SUPT5H: variants seen among roughly 807,000 people sequenced by gnomAD.
SUPT5H encodes the protein SPT5 homolog, DSIF elongation factor subunit, also known as transcription elongation factor SPT5.
SUPT5H carries 24 observed loss-of-function variants against 142.5 expected under a neutral mutation model. The ratio of observed to expected loss-of-function variants is 0.17; its 90% CI spans 0.12 to 0.24. The LOEUF is 0.24. Among genes scored for constraint, SUPT5H ranks in the 10% least tolerant of loss-of-function variants. The probability of loss-of-function intolerance (pLI) is 1.00; values close to 1 mark genes in which losing one functional copy is unlikely to be tolerated. For missense variants in SUPT5H, 893 were observed against 1,471.8 expected (o/e 0.61, Z 6.43); for synonymous variants, 546 against 553.0 (o/e 0.99, Z 0.18).
rs1483733090 is a variant in SUPT5H, at chr19:39,458,509, G to T, written c.319+204G>T. The T allele has an allele frequency of 1.1e-5, 11 of 989,030 alleles. No individual in the cohort carries two copies. The highest frequency in any genetic ancestry group is 3.0e-6 in the Non-Finnish European group (2 of 667,704). 61.3% of individuals were successfully genotyped at this position (989,030 alleles called of 1,614,324 possible). On this transcript the variant is annotated intron_variant, in intron 5 of 29. Coordinates refer to ENST00000432763, the MANE Select transcript of SUPT5H (RefSeq NM_001111020.3). This position sits in a 1 kb window ranked among gnomAD's most constrained non-coding sequence, Gnocchi z 4.2. The stretch of plus-strand genomic sequence containing the variant: ...GACCTGGGAAAGCACGGATGTGTCT[G>T]TCTGGGACTGAGCATTTGTGGGTGG...
rs78472811 is a variant in SUPT5H at position 39,476,561 on chromosome 19, T to C, written c.*162T>C. 5.3e-4 allele frequency: 500 copies of C among 949,884 alleles called. 4 individuals are homozygous for C. In the African/African-American group the frequency reaches 7.0e-3, roughly 13 times the overall value. The allele number at this position is 949,884 out of a possible 1,614,324, so 58.8% of individuals were successfully genotyped here. ...CCATCTTTTCCCTCCCTGGTGCTCA[T>C]TGGAATCTGAGTAGAGTCTGGGGGA... is the stretch of plus-strand genomic sequence containing the variant. On this transcript the variant is annotated 3_prime_UTR_variant, in exon 30 of 30. Coordinates refer to ENST00000432763, the MANE Select transcript of SUPT5H (RefSeq NM_001111020.3).
chr19:39,456,872 A>G (rs1227872564), intron 3 of SUPT5H, among the ~76,000 whole-genome samples: 1 of 152,162 alleles, frequency 6.6e-6, no homozygotes, highest in Non-Finnish European at 1.5e-5. Flanking sequence ...CATGGATTTC[A>G]TATATGTACA....
At chr19:39,452,041 C>T (rs1444615753) in intron 2 of SUPT5H, among the ~76,000 whole-genome samples, 4 of 152,016 alleles carry the variant, frequency 2.6e-5, no homozygotes, top group Non-Finnish European at 5.9e-5. Flanking sequence ...AGGGCAGTGT[C>T]CTGGCCTAGG....
chr19:39,462,302 T>G (rs930292313), intron 10 of SUPT5H, among the ~76,000 whole-genome samples: 2 of 152,152 alleles, frequency 1.3e-5, no homozygotes, highest in Non-Finnish European at 2.9e-5. Flanking sequence ...CAGGACATTT[T>G]CATTATCCCA....
At chr19:39,446,962 C>T (rs747004225) in intron 2 of SUPT5H, among the ~76,000 whole-genome samples, 1 of 152,148 alleles carries the variant, frequency 6.6e-6, no homozygotes, top group Admixed American at 6.5e-5. Context: ...GAGCTGAGAT[C>T]GCGCCACTGC....
In SUPT5H at chr19:39,469,492, G is replaced by T; in HGVS notation, c.1374+94G>T. 6.4e-7 allele frequency: 1 copy of T among 1,558,872 alleles called. No individual in the cohort carries two copies. Among genetic ancestry groups the T allele is most frequent in the Non-Finnish European group, 8.8e-7 (1 of 1,142,688 alleles). The stretch of plus-strand genomic sequence containing the variant: ...GGCGGTGGTGTGCCTGGTGACACCT[G>T]GTTTCCAGGAGGGTAAGTTGAGGCC... On this transcript the variant is annotated intron_variant, in intron 16 of 29. Transcript: ENST00000432763. The surrounding 1 kb of genome is among the most constrained non-coding windows in gnomAD (Gnocchi z 5.1).
intron 9 of SUPT5H, 147 bp from the exon 10 acceptor site, chr19:39,459,744 TC>T: frequency 7.8e-7 from 1 of 1,284,986 alleles, no homozygotes; most frequent in South Asian, 1.3e-5. Context: ...ACTGGCTATC[TC>T]CCACCTCCAT....
rs1240273933 is a variant in SUPT5H, at chr19:39,472,046, C to T, written c.1950+316C>T. Among the ~76,000 whole-genome samples the T allele has an allele frequency of 1.3e-5, 2 of 152,210 alleles. No homozygotes were observed. Among genetic ancestry groups the T allele is most frequent in the South Asian group, 2.1e-4 (1 of 4,828 alleles). On this transcript the variant is annotated intron_variant, in intron 20 of 29. Coordinates refer to ENST00000432763, the MANE Select transcript of SUPT5H (RefSeq NM_001111020.3). This position sits in a 1 kb window ranked among gnomAD's most constrained non-coding sequence, Gnocchi z 4.2. ...GAGGTGGACAGACAGATAAACCCAT[C>T]GTACAGCTTGAGGTGATAGCAAGCG...
intron 3 of SUPT5H, among the ~76,000 whole-genome samples, chr19:39,454,331 G>C (rs1169421805): frequency 6.6e-6 from 1 of 151,222 alleles, no homozygotes; most frequent in East Asian, 1.9e-4. Context: ...GCTAGGTAAA[G>C]GTGGTGCATT....
Position 39,474,716 on chromosome 19 carries a change from A to T in SUPT5H, c.3022A>T (p.Thr1008Ser). 1 of 1,609,444 alleles carries T rather than the reference A, an allele frequency of 6.2e-7. No individual in the cohort carries two copies. The highest frequency in any genetic ancestry group is 8.5e-7 in the Non-Finnish European group (1 of 1,177,812). Residue 1008 changes from threonine (T) to serine (S), a missense_variant and splice_region_variant, in exon 28 of 30, where the codon ACG becomes TCG. This residue lies in a region of SUPT5H where 336 missense variants were observed against 546.5 expected (regional missense o/e 0.61). Transcript: ENST00000432763. The surrounding 1 kb of genome is among the most constrained non-coding windows in gnomAD (Gnocchi z 6.5). ...ACAGACAGGTGTCATCCGCAGTGTC[A>T]CGGTACGTGGGGCCCAGGGTGGTGG... is the stretch of plus-strand genomic sequence containing the variant. ...VGQTGVIRSVTGGMCSVYLKD... is the reference protein window; with the variant it reads ...VGQTGVIRSVSGGMCSVYLKD...
In SUPT5H at chr19:39,453,252, G is replaced by T; in HGVS notation, c.76-104G>T. Reference sequence around the variant, plus strand: ...ATATATGCAGAGCAAAGTGGGCTATGATTGGCCAGGCCAATCTGAGGTCAG... The same window carrying T: ...ATATATGCAGAGCAAAGTGGGCTATTATTGGCCAGGCCAATCTGAGGTCAG... On this transcript the variant is annotated intron_variant, in intron 2 of 29. Transcript: ENST00000432763. The T allele has an allele frequency of 4.3e-6, 6 of 1,386,812 alleles. No individual in the cohort carries two copies. The South Asian group carries it at 6.2e-5, about 14-fold the overall frequency. 85.9% of individuals were successfully genotyped at this position (1,386,812 alleles called of 1,614,324 possible). A position where few individuals can be genotyped will look rare whatever the true frequency, so the allele number is the denominator to read the frequency against.
At chr19:39,459,843 C>T (rs769439799) in intron 9 of SUPT5H, 49 bp from the exon 10 acceptor site, 1 of 1,597,218 alleles carries the variant, frequency 6.3e-7, no homozygotes, top group Non-Finnish European at 8.6e-7. Context: ...TTTCCTGTGT[C>T]CTTTCCTCCA....
intron 3 of SUPT5H, among the ~76,000 whole-genome samples, chr19:39,456,515 T>C (rs778926268): frequency 6.6e-6 from 1 of 150,934 alleles, no homozygotes; most frequent in Non-Finnish European, 1.5e-5. Context: ...ACCTCCCGGG[T>C]TCAAGCAATT....
chr19:39,475,610 C>T (rs1293233900), intron 28 of SUPT5H, among the ~76,000 whole-genome samples: 1 of 151,922 alleles, frequency 6.6e-6, no homozygotes, highest in African/African-American at 2.4e-5. Context: ...GGTTGGGCTG[C>T]ACTGGGGCAG....
chr19:39,461,621 G>A (rs1325579455), intron 10 of SUPT5H, among the ~76,000 whole-genome samples: 1 of 151,912 alleles, frequency 6.6e-6, no homozygotes, highest in Non-Finnish European at 1.5e-5. Flanking sequence ...TTAAGAGTTC[G>A]AGACCAGCTT....
intron 28 of SUPT5H, among the ~76,000 whole-genome samples, chr19:39,475,521 T>G (rs2079393060): frequency 2.9e-5 from 4 of 140,158 alleles, no homozygotes; most frequent in African/African-American, 2.7e-5. Context: ...AGGAGAGGGG[T>G]GGGAGCAGAT....
intron 10 of SUPT5H, chr19:39,460,228 T>C: frequency 2.2e-6 from 1 of 463,528 alleles, no homozygotes; most frequent in Non-Finnish European, 3.9e-6. Flanking sequence ...CTGCACCTTT[T>C]CTTCATGAGA....
chr19:39,451,190 T>TTA (rs1555741812), intron 2 of SUPT5H, among the ~76,000 whole-genome samples: 2 of 145,706 alleles, frequency 1.4e-5, no homozygotes, highest in African/African-American at 5.1e-5. Context: ...GCATGACCTT[T>TTA]TTTTTTTTTT....
chr19:39,475,833 G>T, intron 28 of SUPT5H: 1 of 540,018 alleles, frequency 1.9e-6, no homozygotes, highest in Non-Finnish European at 3.3e-6. Context: ...GACATGAAGA[G>T]TCAAGAAGCA....
Sources: allele counts gnomAD v4.1 joint callset (sites outside exome capture counted in the v4.1 genomes callset), GRCh38; gene constraint gnomAD v4.1.1; regional missense constraint gnomAD v4.1.1; non-coding constraint Gnocchi (gnomAD v3.1); transcripts MANE v1.5; gene names NCBI Gene and HGNC (gene_info 2026-07-23, HGNC 2026-07-21).